The following ZNF322 variants were observed in gnomAD, a reference collection of about 807,000 sequenced individuals.
ZNF322 encodes the protein zinc finger protein 322.
ZNF322 carries 1 observed loss-of-function variant against 18.3 expected under a neutral mutation model. The ratio of observed to expected loss-of-function variants is 0.05; its 90% confidence interval spans 0.02 to 0.26. ZNF322 has a LOEUF of 0.26. ZNF322 is among the 10% of genes least tolerant of loss of function. The probability of loss-of-function intolerance (pLI) is 1.00; values close to 1 mark genes in which losing one functional copy is unlikely to be tolerated. For missense variants in ZNF322, 36 were observed against 403.6 expected (o/e 0.09, Z 7.80); for synonymous variants, 17 against 130.7 (o/e 0.13, Z 5.93).
intron 2 of ZNF322, among the ~76,000 whole-genome samples, chr6:26,648,201 C>A (rs1275888495): frequency 2.6e-5 from 4 of 151,966 alleles, no homozygotes; most frequent in South Asian, 2.1e-4. Context: ...TATGAACAGA[C>A]CTATGGAGAA....
chr6:26,639,026 T>C (rs1765419676), intron 3 of ZNF322, among the ~76,000 whole-genome samples: 1 of 152,188 alleles, frequency 6.6e-6, no homozygotes, highest in African/African-American at 2.4e-5. Flanking sequence ...ATAATTATTA[T>C]GCCTGCTCAT....
chr6:26,645,463 A>C (rs1354183244), intron 2 of ZNF322, among the ~76,000 whole-genome samples: 3 of 152,112 alleles, frequency 2.0e-5, no homozygotes, highest in African/African-American at 7.2e-5. Flanking sequence ...TATCACAGTA[A>C]GTATGTATAG....
chr6:26,647,707 C>T (rs955612706), intron 2 of ZNF322, among the ~76,000 whole-genome samples: 2 of 151,962 alleles, frequency 1.3e-5, no homozygotes, highest in Non-Finnish European at 2.9e-5. Context: ...GATTATTTCA[C>T]GAAATAATTC....
At position 26,637,403 on chromosome 6, in the gene ZNF322, C is replaced by G; in HGVS notation, c.1151G>C (p.Ser384Thr). The G allele has an allele frequency of 6.2e-7, 1 of 1,613,858 alleles. No homozygotes were observed. Among genetic ancestry groups the G allele is most frequent in the Non-Finnish European group, 8.5e-7 (1 of 1,179,756 alleles). ...IGEKPFVCNVSEKGLELSPPH... is the reference protein window; with the variant it reads ...IGEKPFVCNVTEKGLELSPPH... ...AGGGCTAAGCTCAAGACCTTTTTCA[C>G]TCACATTACAGACAAACGGTTTTTC... Residue 384 changes from serine to threonine, a missense_variant, in exon 4 of 4, where the codon AGT (serine) becomes ACT (threonine). Ser to Thr is a moderately conservative substitution (Grantham distance 58). Transcript: ENST00000415922.
chr6:26,656,660 T>TG (rs1397489963), intron 2 of ZNF322, among the ~76,000 whole-genome samples: 2 of 152,150 alleles, frequency 1.3e-5, no homozygotes, highest in Middle Eastern at 3.4e-3. Flanking sequence ...TGTTATAAGA[T>TG]GGGGGGTTCA....
At chr6:26,640,946 A>C (rs1196841957) in intron 3 of ZNF322, among the ~76,000 whole-genome samples, 1 of 152,228 alleles carries the variant, frequency 6.6e-6, no homozygotes, top group African/African-American at 2.4e-5. Flanking sequence ...AAGCTCACTG[A>C]ATACAGCAAA....
chr6:26,654,946 A>C (rs1349052082), intron 2 of ZNF322, among the ~76,000 whole-genome samples: 4 of 152,214 alleles, frequency 2.6e-5, no homozygotes, highest in Admixed American at 2.6e-4. Flanking sequence ...TAATGAGATA[A>C]AACATCATGA....
chr6:26,638,839 C>G (rs1765416646), intron 3 of ZNF322, 111 bp from the exon 4 acceptor site: 1 of 331,204 alleles, frequency 3.0e-6, no homozygotes, highest in African/African-American at 2.2e-5. Context: ...CCTAAGTCTT[C>G]TAGGTTTTAT....
chr6:26,657,934 C>T (rs1765811518), intron 2 of ZNF322, among the ~76,000 whole-genome samples: 1 of 151,886 alleles, frequency 6.6e-6, no homozygotes, highest in African/African-American at 2.4e-5. Context: ...AACTGGAACA[C>T]GACAAAAGTC....
chr6:26,654,452 A>G (rs1160770893), intron 2 of ZNF322, among the ~76,000 whole-genome samples: 3 of 152,166 alleles, frequency 2.0e-5, no homozygotes, highest in African/African-American at 4.8e-5. Flanking sequence ...TTTGGAAAGT[A>G]TAAGATAAGC....
At chr6:26,642,063 G>A (rs186882587) in intron 3 of ZNF322, among the ~76,000 whole-genome samples, 1 of 152,282 alleles carries the variant, frequency 6.6e-6, no homozygotes, top group Non-Finnish European at 1.5e-5. Flanking sequence ...GGAGAAAACC[G>A]CCTTATGGCT....
chr6:26,655,856 C>T (rs1765760528), intron 2 of ZNF322, among the ~76,000 whole-genome samples: 2 of 152,176 alleles, frequency 1.3e-5, no homozygotes, highest in Non-Finnish European at 2.9e-5. Context: ...CAAGAAGGCT[C>T]TCACTAGATG....
At chr6:26,647,114 G>A (rs1765571797) in intron 2 of ZNF322, among the ~76,000 whole-genome samples, 1 of 151,770 alleles carries the variant, frequency 6.6e-6, no homozygotes, top group Admixed American at 6.6e-5. Flanking sequence ...GACCAGCCTG[G>A]GCAATATTAA....
chr6:26,639,565 A>T (rs1270176730), intron 3 of ZNF322, among the ~76,000 whole-genome samples: 1 of 152,072 alleles, frequency 6.6e-6, no homozygotes, highest in Non-Finnish European at 1.5e-5. Flanking sequence ...CAAGTATCTT[A>T]AAAAAAAGTT....
At chr6:26,654,990 C>T (rs1765742595) in intron 2 of ZNF322, among the ~76,000 whole-genome samples, 1 of 152,098 alleles carries the variant, frequency 6.6e-6, no homozygotes, top group Admixed American at 6.5e-5. Flanking sequence ...AAAAACATAA[C>T]ATCACTTCTG....
At chr6:26,645,462 A>G (rs572737563) in intron 2 of ZNF322, among the ~76,000 whole-genome samples, 3 of 152,254 alleles carry the variant, frequency 2.0e-5, no homozygotes, top group African/African-American at 7.2e-5. Context: ...TTATCACAGT[A>G]AGTATGTATA....
chr6:26,655,599 T>C (rs1765755287), intron 2 of ZNF322, among the ~76,000 whole-genome samples: 1 of 152,290 alleles, frequency 6.6e-6, no homozygotes, highest in South Asian at 2.1e-4. Context: ...TATACATATG[T>C]ATATGTGTAT....
intron 2 of ZNF322, among the ~76,000 whole-genome samples, chr6:26,652,486 C>T (rs972509757): frequency 1.3e-5 from 2 of 151,974 alleles, no homozygotes; most frequent in African/African-American, 2.4e-5. Flanking sequence ...GTGAGGAGTT[C>T]GAGATCAGCC....
chr6:26,639,732 C>T (rs1017023575), intron 3 of ZNF322, among the ~76,000 whole-genome samples: 1 of 152,108 alleles, frequency 6.6e-6, no homozygotes, highest in African/African-American at 2.4e-5. Flanking sequence ...TTTGACCCTC[C>T]CTCATACATT....
Sources: allele counts gnomAD v4.1 joint callset (sites outside exome capture counted in the v4.1 genomes callset), GRCh38; gene constraint gnomAD v4.1.1; transcripts MANE v1.5; gene names NCBI Gene and HGNC (gene_info 2026-07-23, HGNC 2026-07-21).